Variants in PDE4D observed in about 807,000 individuals in gnomAD.
The protein encoded by PDE4D is phosphodiesterase 4D.
In PDE4D, 24 loss-of-function variants were observed where a neutral mutation model predicts 87.4. That is an observed-to-expected ratio of 0.27 (90% CI 0.20 to 0.39). The LOEUF is 0.39. Ranked by LOEUF, PDE4D falls within the 10% of genes least tolerant of loss-of-function variation. The pLI is 1.00. For missense variants in PDE4D, 714 were observed against 1,041.0 expected (o/e 0.69, Z 4.32); for synonymous variants, 384 against 383.2 (o/e 1.00, Z -0.02).
intron 1 of PDE4D, among the ~76,000 whole-genome samples, chr5:59,522,839 G>C (rs1812477618): frequency 6.6e-6 from 1 of 152,132 alleles, no homozygotes; most frequent in Non-Finnish European, 1.5e-5. Context: ...CCTTAAAAGG[G>C]ATAGAAAAAT....
At chr5:59,549,626 T>C (rs1446742859) in intron 1 of PDE4D, among the ~76,000 whole-genome samples, 4 of 152,126 alleles carry the variant, frequency 2.6e-5, no homozygotes, top group Admixed American at 6.6e-5. Flanking sequence ...TAACAAGATA[T>C]ATTTGTGTCT....
intron 1 of PDE4D, among the ~76,000 whole-genome samples, chr5:59,283,960 CCTT>C (rs1265009711): frequency 1.3e-5 from 2 of 152,090 alleles, no homozygotes; most frequent in East Asian, 3.9e-4. Context: ...AGATTCAGTA[CCTT>C]CTTCTACAAA....
chr5:60,386,839 A>C (rs753914351), intron 1 of PDE4D, among the ~76,000 whole-genome samples: 4 of 152,216 alleles, frequency 2.6e-5, no homozygotes, highest in Non-Finnish European at 5.9e-5. Flanking sequence ...CATATGGTAG[A>C]TATCTTTGAT....
chr5:60,367,907 G>T lies in PDE4D; in HGVS notation c.-90+120035C>A, dbSNP rs930471912. On this transcript the variant is annotated intron_variant, in intron 1 of 16. Transcript: ENST00000502484. ...CTGAAATAGCTGCCTGTCCTGTCCA[G>T]CCCTGACCTGTCCTGTTCTGCCCTG... 5.9e-5 allele frequency among the ~76,000 whole-genome samples: 9 copies of T among 152,188 alleles called. No homozygotes were observed. The East Asian group carries it at 1.7e-3, about 29-fold the overall frequency.
At chr5:58,996,273 TAAAGTA>T (rs1478099389) in intron 6 of PDE4D, among the ~76,000 whole-genome samples, 1 of 152,110 alleles carries the variant, frequency 6.6e-6, no homozygotes, top group East Asian at 1.9e-4. Context: ...TACCAGAACT[TAAAGTA>T]TAATAATTAA....
chr5:59,663,463 G>A (rs1487669224), intron 1 of PDE4D, among the ~76,000 whole-genome samples: 1 of 152,088 alleles, frequency 6.6e-6, no homozygotes, highest in Non-Finnish European at 1.5e-5. Flanking sequence ...GAGCCATCGT[G>A]CCCAGCCTCT....
intron 5 of PDE4D, among the ~76,000 whole-genome samples, chr5:59,147,125 C>A (rs145968238): frequency 6.6e-6 from 1 of 152,190 alleles, no homozygotes; most frequent in Non-Finnish European, 1.5e-5. Context: ...CCCCTCTCCC[C>A]ACCATCCATG....
intron 1 of PDE4D, among the ~76,000 whole-genome samples, chr5:59,406,829 G>A (rs1051672733): frequency 2.0e-5 from 3 of 152,068 alleles, no homozygotes; most frequent in Non-Finnish European, 4.4e-5. Flanking sequence ...TCTGTCTAGG[G>A]CTACGAAGTT....
At chr5:59,107,817 T>A (rs758681246) in intron 5 of PDE4D, among the ~76,000 whole-genome samples, 1 of 152,230 alleles carries the variant, frequency 6.6e-6, no homozygotes, top group African/African-American at 2.4e-5. Flanking sequence ...AGTTCTGGGC[T>A]TAAACATTAA....
chr5:60,159,320 T>G (rs1782270150), intron 2 of PDE4D, among the ~76,000 whole-genome samples: 1 of 152,174 alleles, frequency 6.6e-6, no homozygotes, highest in Non-Finnish European at 1.5e-5. Context: ...AACTTTTTTT[T>G]TTGTAAGTAG....
At chr5:59,865,631 A>C (rs1746901286) in intron 1 of PDE4D, among the ~76,000 whole-genome samples, 1 of 152,240 alleles carries the variant, frequency 6.6e-6, no homozygotes, top group African/African-American at 2.4e-5. Flanking sequence ...TATTGTATCT[A>C]AATTGTCAGG....
chr5:60,416,463 C>T (rs1422531675), intron 1 of PDE4D, among the ~76,000 whole-genome samples: 1 of 152,082 alleles, frequency 6.6e-6, no homozygotes, highest in Non-Finnish European at 1.5e-5. Flanking sequence ...CTCCGGAAGC[C>T]AGCGAGACCA....
chr5:59,707,370 A>C (rs1292119115), intron 1 of PDE4D, among the ~76,000 whole-genome samples: 1 of 152,228 alleles, frequency 6.6e-6, no homozygotes, highest in African/African-American at 2.4e-5. Flanking sequence ...GCCTTTATGG[A>C]GCTCTCAGTC....
At chr5:60,321,106 C>T (rs1051072349) in intron 1 of PDE4D, among the ~76,000 whole-genome samples, 1 of 152,118 alleles carries the variant, frequency 6.6e-6, no homozygotes, top group Admixed American at 6.5e-5. Context: ...TAATCCTCAG[C>T]AAATGAATAA....
At chr5:59,028,847 C>G (rs905552567) in intron 6 of PDE4D, among the ~76,000 whole-genome samples, 21 of 152,142 alleles carry the variant, frequency 1.4e-4, no homozygotes, top group African/African-American at 5.1e-4. Context: ...CAAAAGTATG[C>G]CCAGTGTTAG....
At chr5:60,302,302 C>CT (rs1161990791) in intron 1 of PDE4D, among the ~76,000 whole-genome samples, 10 of 151,990 alleles carry the variant, frequency 6.6e-5, no homozygotes. Flanking sequence ...TAGTCCAGGG[C>CT]TTTTTTTGGT....
chr5:59,821,562 A>T (rs1769678587), intron 1 of PDE4D, among the ~76,000 whole-genome samples: 1 of 152,220 alleles, frequency 6.6e-6, no homozygotes, highest in South Asian at 2.1e-4. Context: ...AATAAACTAA[A>T]ATATGCCAGT....
rs936491931 is a variant in PDE4D at position 60,200,110 on chromosome 5, C to T, written c.-89-14423G>A. Reference sequence around the variant, plus strand: ...CAATCATAATTTTATATTATAATTACAAACGCTTATGGGGCATTTGCTATG... The same window carrying T: ...CAATCATAATTTTATATTATAATTATAAACGCTTATGGGGCATTTGCTATG... On this transcript the variant is annotated intron_variant, in intron 1 of 16. Transcript: ENST00000502484. 1.1e-4 allele frequency among the ~76,000 whole-genome samples: 17 copies of T among 151,602 alleles called. 1 individual carries two copies. Among genetic ancestry groups the T allele is most frequent in the Non-Finnish European group, 1.0e-4 (7 of 67,740 alleles).
intron 1 of PDE4D, among the ~76,000 whole-genome samples, chr5:59,754,125 T>G (rs1561598002): frequency 6.6e-6 from 1 of 151,876 alleles, no homozygotes; most frequent in Non-Finnish European, 1.5e-5. Flanking sequence ...AGGTCAGGAG[T>G]TCGAGACCAG....
Sources: allele counts gnomAD v4.1 joint callset (sites outside exome capture counted in the v4.1 genomes callset), GRCh38; gene constraint gnomAD v4.1.1; transcripts MANE v1.5; gene names NCBI Gene and HGNC (gene_info 2026-07-23, HGNC 2026-07-21).